Variants in DMC1 observed in about 807,000 individuals in gnomAD.
DMC1 encodes DNA meiotic recombinase 1.
Under a neutral mutation model 50.1 loss-of-function variants are expected in DMC1, and 27 were observed. The observed-to-expected ratio is 0.54, with a 90% CI of 0.40 to 0.74. The LOEUF (loss-of-function observed/expected upper bound fraction) is 0.74, where lower values mean the gene tolerates loss of function less well. Ranked by LOEUF, DMC1 falls within the 30% of genes least tolerant of loss-of-function variation. DMC1 has a pLI of 0.00. For missense variants in DMC1, 295 were observed against 420.2 expected, an observed-to-expected ratio of 0.70 and a Z score of 2.60; for synonymous variants, 148 against 136.1, an observed-to-expected ratio of 1.09 and a Z score of -0.61.
At chr22:38,509,496 G>A in the DMC1 span, among the ~76,000 whole-genome samples, 3 of 152,148 alleles carry the variant, frequency 2.0e-5, no homozygotes, top group African/African-American at 7.2e-5. Context: ...TTTGTTTCAG[G>A]CGAGCAGAGG....
chr22:38,555,446 A>G, intron 5 of DMC1, 37 bp from the exon 6 acceptor site: 1 of 1,321,672 alleles, frequency 7.6e-7, no homozygotes, highest in Non-Finnish European at 1.1e-6. Context: ...ACAGGAATAG[A>G]AATAGAAATA....
chr22:38,566,758 C>G (rs371401699), intron 3 of DMC1, 22 bp from the exon 4 acceptor site: 203 of 1,612,266 alleles, frequency 1.3e-4, no homozygotes, highest in Non-Finnish European at 1.2e-4. Context: ...AGAATGGGCA[C>G]AGCAGACTGA....
At chr22:38,522,316 G>A (rs377680441) in intron 12 of DMC1, among the ~76,000 whole-genome samples, 1 of 151,428 alleles carries the variant, frequency 6.6e-6, no homozygotes, top group South Asian at 2.1e-4. Flanking sequence ...AGCACTTTGG[G>A]AGGTCGAGGT....
intron 4 of DMC1, among the ~76,000 whole-genome samples, chr22:38,565,384 T>A (rs540326781): frequency 9.2e-5 from 14 of 152,344 alleles, no homozygotes; most frequent in South Asian, 4.1e-4. Context: ...CATGTCAGTT[T>A]ACCATTGCTA....
the DMC1 span, among the ~76,000 whole-genome samples, chr22:38,512,067 C>T: frequency 6.6e-6 from 1 of 151,990 alleles, no homozygotes; most frequent in Non-Finnish European, 1.5e-5. Context: ...CTCTGCCTCC[C>T]GGGTTCAAGA....
At chr22:38,526,891 T>A (rs76963122) in intron 12 of DMC1, among the ~76,000 whole-genome samples, 4,187 of 152,272 alleles carry the variant, frequency 0.027, 195 homozygotes, top group African/African-American at 0.096. Context: ...GCCGTCTGGT[T>A]CTTCATTCAG....
intron 12 of DMC1, among the ~76,000 whole-genome samples, chr22:38,524,380 C>A (rs2090063859): frequency 6.6e-6 from 1 of 152,080 alleles, no homozygotes; most frequent in South Asian, 2.1e-4. Flanking sequence ...CCACCGGTGG[C>A]CCTCCAGCCC....
Position 38,521,627 on chromosome 22 carries a change from T to C in DMC1, c.934A>G (p.Ile312Val). ...ATTTACCTGTCATAAATCTTGGCAATTCTGAGCTCTCCTCTTCCCTTTCGC... is the reference window on the plus strand; with the variant it reads ...ATTTACCTGTCATAAATCTTGGCAACTCTGAGCTCTCCTCTTCCCTTTCGC... ...SLRKGRGELR[I>V]AKIYDSPEMP... The change falls in exon 13 of 14, where the codon ATT becomes GTT. Residue 312 changes from isoleucine (I) to valine (V), a missense_variant. Transcript: ENST00000216024. The C allele has an allele frequency of 6.2e-7, 1 of 1,610,852 alleles. No homozygotes were observed.
chr22:38,547,081 T>A (rs1290458670), intron 8 of DMC1, among the ~76,000 whole-genome samples: 1 of 152,240 alleles, frequency 6.6e-6, no homozygotes, highest in African/African-American at 2.4e-5. Context: ...TTTTTTCTTT[T>A]GGTAGAGACA....
intron 1 of DMC1, among the ~76,000 whole-genome samples, chr22:38,569,047 G>C (rs1407413932): frequency 1.3e-5 from 2 of 151,958 alleles, no homozygotes; most frequent in East Asian, 3.9e-4. Flanking sequence ...AGCCGGGCGT[G>C]GTGGTGGGCG....
At chr22:38,542,977 G>T (rs961213525) in intron 8 of DMC1, among the ~76,000 whole-genome samples, 2 of 152,178 alleles carry the variant, frequency 1.3e-5, no homozygotes, top group Non-Finnish European at 2.9e-5. Flanking sequence ...TCAGTAAATG[G>T]TGCTGGGAAA....
At chr22:38,531,660 A>T (rs73413373) in intron 12 of DMC1, among the ~76,000 whole-genome samples, 2,971 of 152,256 alleles carry the variant, frequency 0.02, 87 homozygotes, top group African/African-American at 0.068. Context: ...TATTGTTATA[A>T]TTTAATATAC....
At chr22:38,517,567 CTCAAAACAAAAA>C (rs2089984532), downstream of DMC1, among the ~76,000 whole-genome samples, 1 of 151,678 alleles carries the variant, frequency 6.6e-6, no homozygotes, top group Non-Finnish European at 1.5e-5. Context: ...GAAACTGTGT[CTCAAAACAAAAA>C]ACAAAACAAA....
At chr22:38,562,178 A>T (rs2090534309) in intron 5 of DMC1, 109 bp downstream of exon 5, 1 of 758,054 alleles carries the variant, frequency 1.3e-6, no homozygotes, top group Non-Finnish European at 2.2e-6. Flanking sequence ...CCAAACTTCA[A>T]ATGAAGAAGC....
In DMC1 at chr22:38,538,299, T is replaced by C; in HGVS notation, c.771A>G (p.Ser257=). Residue 257 remains serine (S), a synonymous_variant, in exon 11 of 14, where the codon TCA becomes TCG. Coordinates refer to ENST00000216024, the MANE Select transcript of DMC1 (RefSeq NM_007068.4). Reference sequence around the variant, plus strand: ...CATTTTATTTTAAAGATATACCTTCTGAGATTTTTTGGAGTCGTGACAACA... The same window carrying C: ...CATTTTATTTTAAAGATATACCTTCCGAGATTTTTTGGAGTCGTGACAACA... ...AQMLSRLQKI[S]EEYNVAVFVT... 3 of 1,608,332 alleles carry C rather than the reference T, an allele frequency of 1.9e-6. No individual in the cohort carries two copies. Among genetic ancestry groups the C allele is most frequent in the Non-Finnish European group, 2.6e-6 (3 of 1,174,716 alleles).
At position 38,533,264 on chromosome 22, in the gene DMC1, G is replaced by A. The variant is rs542296569; in HGVS notation, c.836+4328C>T. The stretch of plus-strand genomic sequence containing the variant: ...AACAAAATTAGCCGGGTGTGGTGGC[G>A]GGCGCCTATAGTCCCAAGCTACTAG... On this transcript the variant is annotated intron_variant, in intron 12 of 13. Coordinates refer to ENST00000216024, the MANE Select transcript of DMC1 (RefSeq NM_007068.4). 1.2e-3 allele frequency among the ~76,000 whole-genome samples: 185 copies of A among 151,676 alleles called. 1 individual carries two copies. Among genetic ancestry groups the A allele is most frequent in the African/African-American group, 4.3e-3 (176 of 41,390 alleles).
intron 12 of DMC1, among the ~76,000 whole-genome samples, chr22:38,527,004 T>C (rs1385219465): frequency 6.6e-6 from 1 of 152,168 alleles, no homozygotes; most frequent in Non-Finnish European, 1.5e-5. Flanking sequence ...GGCTCTGGAC[T>C]ATGGTCAATT....
chr22:38,567,454 T>C, intron 3 of DMC1, 129 bp downstream of exon 3: 1 of 795,188 alleles, frequency 1.3e-6, no homozygotes, highest in Non-Finnish European at 2.2e-6. Context: ...GCCAAGGATG[T>C]TGCAAACACC....
intron 7 of DMC1, among the ~76,000 whole-genome samples, chr22:38,551,180 G>A (rs1280802934): frequency 2.0e-5 from 3 of 151,494 alleles, no homozygotes; most frequent in Non-Finnish European, 2.9e-5. Context: ...CCTGGGAGGC[G>A]GAGGTTGCAG....
Sources: gnomAD v4.1 joint callset for allele counts (sites outside exome capture counted in the v4.1 genomes callset) on GRCh38, gnomAD v4.1.1 for gene constraint, MANE v1.5 for transcripts, NCBI Gene and HGNC (gene_info 2026-07-23, HGNC 2026-07-21) for gene names.